TMEM156: variants seen among roughly 807,000 people sequenced by gnomAD.
The protein encoded by TMEM156 is transmembrane protein 156.
A neutral mutation model predicts 30.5 loss-of-function variants in TMEM156; 28 were observed. The observed-to-expected ratio is 0.92, with a 90% CI of 0.68 to 1.26. The LOEUF (loss-of-function observed/expected upper bound fraction) is 1.26, where lower values mean the gene tolerates loss of function less well. TMEM156 is among the 50% of genes most tolerant of loss of function. TMEM156 has a pLI of 0.00. For synonymous variants in TMEM156, 137 were observed against 119.9 expected (o/e 1.14, Z -0.93); for missense variants, 351 against 340.6 (o/e 1.03, Z -0.24).
chr4:39,023,348 G>C (rs1408761814), intron 1 of TMEM156, among the ~76,000 whole-genome samples: 1 of 152,132 alleles, frequency 6.6e-6, no homozygotes, highest in African/African-American at 2.4e-5. Flanking sequence ...TTATTGAATA[G>C]AAATAAAAAC....
chr4:39,021,942 G>C (rs1030979142), intron 1 of TMEM156, among the ~76,000 whole-genome samples: 2 of 152,156 alleles, frequency 1.3e-5, no homozygotes, highest in Admixed American at 1.3e-4. Context: ...ATTCTTTGAA[G>C]ATCCGATTCT....
intron 5 of TMEM156, among the ~76,000 whole-genome samples, chr4:38,976,111 AC>A (rs35967127): frequency 6.6e-6 from 1 of 151,744 alleles, no homozygotes; most frequent in Non-Finnish European, 1.5e-5. Context: ...ACATGGTGAA[AC>A]CCCATCTCTA....
At chr4:38,974,064 T>TGTGC (rs1722732531) in intron 5 of TMEM156, among the ~76,000 whole-genome samples, 1 of 22,884 alleles carries the variant, frequency 4.4e-5, no homozygotes, top group Non-Finnish European at 8.8e-5. Context: ...AGTGCGTGTG[T>TGTGC]GTGTGTGTGT....
rs781424779 is a variant in TMEM156 at position 38,998,899 on chromosome 4, C to T, written c.99G>A (p.Leu33=). 1.2e-6 allele frequency: 2 copies of T among 1,604,500 alleles called. No homozygotes were observed. The highest frequency in any genetic ancestry group is 8.5e-7 in the Non-Finnish European group (1 of 1,176,570). Residue 33 remains leucine, a synonymous_variant, in exon 2 of 7, where the codon TTG becomes TTA. Coordinates refer to ENST00000381938, the MANE Select transcript of TMEM156 (RefSeq NM_024943.3). ...EYFKTPKERT[L]ELSCLEVCLQ... is the part of the protein sequence containing the mutation. Reference sequence around the variant, plus strand: ...AACACACTTCCAGACATGATAGCTCCAATGTTCTTTCTGTAAAGAAAAAAG... The same window carrying T: ...AACACACTTCCAGACATGATAGCTCTAATGTTCTTTCTGTAAAGAAAAAAG...
chr4:39,023,580 C>T (rs748633570), intron 1 of TMEM156, among the ~76,000 whole-genome samples: 62 of 152,284 alleles, frequency 4.1e-4, no homozygotes, highest in South Asian at 8.3e-4. Flanking sequence ...TGGTGGCTCA[C>T]GCCTGTAATC....
At chr4:39,009,273 A>G (rs945812813) in intron 1 of TMEM156, among the ~76,000 whole-genome samples, 2 of 152,134 alleles carry the variant, frequency 1.3e-5, no homozygotes, top group African/African-American at 2.4e-5. Flanking sequence ...CCAGCCCAGA[A>G]CAGCCCTGGA....
At chr4:39,031,884 AAAAAAAT>A (rs897129281) in intron 1 of TMEM156, among the ~76,000 whole-genome samples, 4 of 100,658 alleles carry the variant, frequency 4.0e-5, no homozygotes, top group Non-Finnish European at 8.6e-5. Context: ...ATCTCAAAAA[AAAAAAAT>A]AAAAAATAAA....
intron 1 of TMEM156, among the ~76,000 whole-genome samples, chr4:39,001,385 TAAAAAAAAAAGAA>T (rs1165250300): frequency 4.0e-5 from 5 of 124,638 alleles, no homozygotes; most frequent in East Asian, 2.2e-4. Flanking sequence ...AGACTCCATC[TAAAAAAAAAAGAA>T]AAAAAAAAAA....
At chr4:38,974,058 CGTGTGT>C (rs60030815) in intron 5 of TMEM156, among the ~76,000 whole-genome samples, 90,905 of 149,138 alleles carry the variant, frequency 0.61, 27,580 homozygotes, top group South Asian at 0.67. Context: ...GGAAGGAGTG[CGTGTGT>C]GTGTGTGTGT....
chr4:38,982,820 C>T (rs1331414074), intron 5 of TMEM156, among the ~76,000 whole-genome samples: 1 of 152,136 alleles, frequency 6.6e-6, no homozygotes, highest in African/African-American at 2.4e-5. Flanking sequence ...ATGAAATGAA[C>T]TTTTCACTGA....
chr4:39,006,340 CT>C (rs1713736099), intron 1 of TMEM156, among the ~76,000 whole-genome samples: 1 of 151,918 alleles, frequency 6.6e-6, no homozygotes, highest in South Asian at 2.1e-4. Context: ...GTTAGGTTGT[CT>C]TTTATTTAAT....
At chr4:38,976,890 TTTGTTG>T (rs61299459) in intron 5 of TMEM156, among the ~76,000 whole-genome samples, 36,378 of 151,224 alleles carry the variant, frequency 0.24, 4,594 homozygotes, top group Non-Finnish European at 0.26. Flanking sequence ...ACATTGTTCT[TTTGTTG>T]TTGTTGTTGT....
chr4:39,012,087 T>C (rs1233275287), intron 1 of TMEM156, among the ~76,000 whole-genome samples: 1 of 152,164 alleles, frequency 6.6e-6, no homozygotes, highest in African/African-American at 2.4e-5. Context: ...ACTTGGGCAA[T>C]GGGATCATTA....
At chr4:38,988,449 C>A (rs1197648573) in intron 4 of TMEM156, among the ~76,000 whole-genome samples, 3 of 152,100 alleles carry the variant, frequency 2.0e-5, no homozygotes. Context: ...GTCTGCTGGT[C>A]TCAATCTCCT....
At position 38,971,037 on chromosome 4, in the gene TMEM156, A is replaced by G; in HGVS notation, c.*33T>C. Reference sequence around the variant, plus strand: ...AAAGCCGAATCATCACTCACCGTGTATATTGATCTCACTGATGCACTGTGG... The same window carrying G: ...AAAGCCGAATCATCACTCACCGTGTGTATTGATCTCACTGATGCACTGTGG... On this transcript the variant is annotated 3_prime_UTR_variant, in exon 6 of 7. Coordinates refer to ENST00000381938, the MANE Select transcript of TMEM156 (RefSeq NM_024943.3). The G allele has an allele frequency of 6.3e-7, 1 of 1,586,704 alleles. No homozygotes were observed. Among genetic ancestry groups the G allele is most frequent in the Non-Finnish European group, 8.7e-7 (1 of 1,155,446 alleles).
intron 6 of TMEM156, among the ~76,000 whole-genome samples, chr4:38,970,264 A>G (rs111335641): frequency 0.016 from 2,491 of 152,154 alleles, 26 homozygotes; most frequent in East Asian, 0.062. Context: ...TCCTAGTCTC[A>G]GGGTGCTGCA....
At chr4:38,974,058 C>CGTGT (rs60030815) in intron 5 of TMEM156, among the ~76,000 whole-genome samples, 6 of 149,178 alleles carry the variant, frequency 4.0e-5, no homozygotes, top group Non-Finnish European at 7.5e-5. Flanking sequence ...GGAAGGAGTG[C>CGTGT]GTGTGTGTGT....
intron 1 of TMEM156, among the ~76,000 whole-genome samples, chr4:39,004,075 A>T (rs1464736880): frequency 6.6e-6 from 1 of 152,196 alleles, no homozygotes; most frequent in Admixed American, 6.5e-5. Flanking sequence ...AATAAATTCT[A>T]CTCAATCATT....
chr4:38,998,525 C>T (rs905698947), intron 2 of TMEM156, 115 bp downstream of exon 2: 26 of 959,326 alleles, frequency 2.7e-5, no homozygotes, highest in Non-Finnish European at 1.9e-5. Flanking sequence ...GCCTGGGCAA[C>T]AGAGCGAGAC....
Sources: gnomAD v4.1 joint callset for allele counts (sites outside exome capture counted in the v4.1 genomes callset) on GRCh38, gnomAD v4.1.1 for gene constraint, MANE v1.5 for transcripts, NCBI Gene and HGNC (gene_info 2026-07-23, HGNC 2026-07-21) for gene names.